Variants in LUZP2 observed in about 807,000 individuals in gnomAD.
LUZP2 encodes leucine zipper protein 2.
In LUZP2, 52 loss-of-function variants were observed where a neutral mutation model predicts 51.6. The observed-to-expected ratio is 1.01, with a 90% confidence interval of 0.81 to 1.27. LUZP2 has a LOEUF of 1.27. Ranked by LOEUF, LUZP2 falls within the 50% of genes most tolerant of loss-of-function variation. The pLI, the probability that LUZP2 is intolerant of heterozygous loss-of-function variation, is 0.00. For missense variants in LUZP2, 436 were observed against 395.4 expected (o/e 1.10, Z -0.87); for synonymous variants, 154 against 137.3 (o/e 1.12, Z -0.85).
chr11:24,507,902 T>C (rs79087949), intron 1 of LUZP2, among the ~76,000 whole-genome samples: 15,308 of 151,952 alleles, frequency 0.1, 1,173 homozygotes, highest in African/African-American at 0.21. Flanking sequence ...ACTATGCCAG[T>C]CATATTGCCC....
At chr11:24,527,233 G>T (rs1020622391) in intron 1 of LUZP2, among the ~76,000 whole-genome samples, 2 of 151,158 alleles carry the variant, frequency 1.3e-5, no homozygotes, top group East Asian at 1.9e-4. Flanking sequence ...CTAAAAAGAG[G>T]CACATATGTT....
chr11:24,504,447 A>C (rs928573010), intron 1 of LUZP2, among the ~76,000 whole-genome samples: 5 of 152,208 alleles, frequency 3.3e-5, no homozygotes, highest in Non-Finnish European at 5.9e-5. Context: ...TGCACATGTT[A>C]TAAGCTCTTT....
chr11:24,927,491 T>C (rs1487813854), intron 7 of LUZP2, among the ~76,000 whole-genome samples: 1 of 151,382 alleles, frequency 6.6e-6, no homozygotes, highest in African/African-American at 2.4e-5. Context: ...ATTTGTATAT[T>C]AGGGTGTCCT....
chr11:25,012,770 G>T (rs1029686059), intron 9 of LUZP2, among the ~76,000 whole-genome samples: 18 of 152,112 alleles, frequency 1.2e-4, no homozygotes, highest in Admixed American at 1.1e-3. Flanking sequence ...ATATATTGTT[G>T]GTGGGAATGT....
chr11:24,559,883 T>C (rs1247128790), intron 1 of LUZP2, among the ~76,000 whole-genome samples: 1 of 152,190 alleles, frequency 6.6e-6, no homozygotes, highest in African/African-American at 2.4e-5. Flanking sequence ...AACACAGTAG[T>C]TGTCTCCAAG....
chr11:24,940,138 CAG>C (rs535243728), intron 7 of LUZP2, among the ~76,000 whole-genome samples: 1 of 151,810 alleles, frequency 6.6e-6, no homozygotes, highest in Non-Finnish European at 1.5e-5. Flanking sequence ...ACCCAGAAAA[CAG>C]AGCCCCCACA....
At chr11:24,665,538 TC>T (rs1026410158) in intron 1 of LUZP2, among the ~76,000 whole-genome samples, 1 of 152,156 alleles carries the variant, frequency 6.6e-6, no homozygotes, top group African/African-American at 2.4e-5. Flanking sequence ...CCAAATCTCA[TC>T]TTGAATTGTA....
chr11:24,778,927 C>T (rs750006430), intron 5 of LUZP2, among the ~76,000 whole-genome samples: 11 of 152,148 alleles, frequency 7.2e-5, no homozygotes, highest in Admixed American at 1.3e-4. Context: ...GAGTACTAAA[C>T]TCAATGTAAA....
chr11:24,838,754 G>C (rs1020091082), intron 5 of LUZP2, among the ~76,000 whole-genome samples: 9 of 151,544 alleles, frequency 5.9e-5, no homozygotes, highest in African/African-American at 2.2e-4. Context: ...TAGCATATAA[G>C]GGAATTTTTA....
At chr11:24,645,321 G>C (rs1855430812) in intron 1 of LUZP2, among the ~76,000 whole-genome samples, 1 of 152,140 alleles carries the variant, frequency 6.6e-6, no homozygotes, top group African/African-American at 2.4e-5. Flanking sequence ...ACATATTGTA[G>C]TCTAACTAAC....
At chr11:24,827,392 A>G (rs1278442419) in intron 5 of LUZP2, among the ~76,000 whole-genome samples, 2 of 152,178 alleles carry the variant, frequency 1.3e-5, no homozygotes, top group African/African-American at 2.4e-5. Flanking sequence ...CTTAAGAAAT[A>G]TTTTTTATTA....
intron 4 of LUZP2, among the ~76,000 whole-genome samples, chr11:24,760,439 A>T (rs1330852099): frequency 1.3e-5 from 2 of 152,218 alleles, no homozygotes; most frequent in Non-Finnish European, 2.9e-5. Flanking sequence ...TATCAACTTG[A>T]ACTATCTACC....
chr11:24,696,826 G>C (rs1278192149), intron 1 of LUZP2, among the ~76,000 whole-genome samples: 1 of 151,984 alleles, frequency 6.6e-6, no homozygotes, highest in Non-Finnish European at 1.5e-5. Context: ...AAAAACATGA[G>C]ATTGGGTAAG....
chr11:24,979,469 A>G (rs78849777), intron 8 of LUZP2, among the ~76,000 whole-genome samples: 1,593 of 151,946 alleles, frequency 0.01, 34 homozygotes, highest in African/African-American at 0.036. Context: ...ATACTATTTG[A>G]GTATTTAGTT....
intron 7 of LUZP2, among the ~76,000 whole-genome samples, chr11:24,938,487 T>C (rs1854652986): frequency 6.6e-6 from 1 of 152,198 alleles, no homozygotes; most frequent in Non-Finnish European, 1.5e-5. Flanking sequence ...TGTTCTATCT[T>C]GGGCAAATTT....
At chr11:24,940,795 G>A (rs993895807) in intron 7 of LUZP2, among the ~76,000 whole-genome samples, 3 of 152,050 alleles carry the variant, frequency 2.0e-5, no homozygotes, top group Non-Finnish European at 2.9e-5. Context: ...TCTTGAGTGA[G>A]TTGCATAACC....
chr11:24,620,677 T>A (rs1044606975), intron 1 of LUZP2, among the ~76,000 whole-genome samples: 14 of 152,362 alleles, frequency 9.2e-5, no homozygotes, highest in Admixed American at 5.2e-4. Flanking sequence ...ATTTGACCTA[T>A]CTGTGGACAG....
intron 2 of LUZP2, among the ~76,000 whole-genome samples, chr11:24,731,125 G>A (rs1425825328): frequency 6.6e-6 from 1 of 151,610 alleles, no homozygotes; most frequent in African/African-American, 2.4e-5. Context: ...GTCTTGTAAA[G>A]TTCATCCCAC....
intron 7 of LUZP2, among the ~76,000 whole-genome samples, chr11:24,960,857 C>T (rs977387586): frequency 6.6e-6 from 1 of 152,076 alleles, no homozygotes; most frequent in Non-Finnish European, 1.5e-5. Flanking sequence ...AGTTTTGGAT[C>T]TTTCCTGCTT....
Sources: gnomAD v4.1 joint callset for allele counts (sites outside exome capture counted in the v4.1 genomes callset) on GRCh38, gnomAD v4.1.1 for gene constraint, MANE v1.5 for transcripts, NCBI Gene and HGNC (gene_info 2026-07-23, HGNC 2026-07-21) for gene names.